The following CELF2 variants were observed in gnomAD, a reference collection of about 807,000 sequenced individuals.
CELF2 encodes CUG triplet repeat RNA-binding protein 2.
A neutral mutation model predicts 62.6 loss-of-function variants in CELF2; 8 were observed. That is an observed-to-expected ratio of 0.13 (90% CI 0.07 to 0.23). The LOEUF is 0.23. Ranked by LOEUF, CELF2 falls within the 10% of genes least tolerant of loss-of-function variation. The pLI is 1.00. For missense variants in CELF2, 333 were observed against 671.0 expected (o/e 0.50, Z 5.56); for synonymous variants, 258 against 250.0 (o/e 1.03, Z -0.30).
chr10:11,234,679 CAAA>C (rs11387214), intron 3 of CELF2, among the ~76,000 whole-genome samples: 1,796 of 83,206 alleles, frequency 0.022, 39 homozygotes, highest in African/African-American at 0.079. Flanking sequence ...GACTCCATCT[CAAA>C]AAAAAAAAAA....
the CELF2 span, among the ~76,000 whole-genome samples, chr10:10,476,234 TA>T: frequency 1.3e-5 from 2 of 152,188 alleles, no homozygotes; most frequent in Non-Finnish European, 2.9e-5. Flanking sequence ...CTTTCTGATT[TA>T]ACTTTAGTCA....
At position 11,315,999 on chromosome 10, in the gene CELF2, G is replaced by T. The variant is rs2094945318; in HGVS notation, c.1096+1741G>T. Among the ~76,000 whole-genome samples the T allele has an allele frequency of 6.6e-6, 1 of 152,242 alleles. No individual in the cohort carries two copies. Among genetic ancestry groups the T allele is most frequent in the African/African-American group, 2.4e-5 (1 of 41,466 alleles). On this transcript the variant is annotated intron_variant, in intron 10 of 12. Coordinates refer to ENST00000633077, the MANE Select transcript of CELF2 (RefSeq NM_001326342.2). The surrounding 1 kb of genome is among the most constrained non-coding windows in gnomAD (Gnocchi z 5.8). ...CTCAGCACGTGCTCATGACTGGTGT[G>T]TGTGTGTCCTCTCGTCTGCGTCCCG... is the stretch of plus-strand genomic sequence containing the variant.
At chr10:10,988,281 A>G (rs944522488) in intron 2 of CELF2, among the ~76,000 whole-genome samples, 66 of 141,168 alleles carry the variant, frequency 4.7e-4, no homozygotes, top group African/African-American at 1.7e-3. Flanking sequence ...GTGTGTGTAT[A>G]TATATATATA....
At chr10:10,920,076 TA>T in intron 2 of CELF2, 3 of 1,030,674 alleles carry the variant, frequency 2.9e-6, no homozygotes, top group Non-Finnish European at 2.5e-6. Flanking sequence ...ATGTCTTCTG[TA>T]AGAGGTCTTC....
chr10:10,927,473 A>T (rs962110778), intron 2 of CELF2, among the ~76,000 whole-genome samples: 1 of 151,802 alleles, frequency 6.6e-6, no homozygotes, highest in Admixed American at 6.6e-5. Flanking sequence ...TGTTGCCAAG[A>T]TGAAAGTTCA....
the CELF2 span, among the ~76,000 whole-genome samples, chr10:10,776,029 G>T: frequency 6.6e-6 from 1 of 152,216 alleles, no homozygotes; most frequent in Admixed American, 6.5e-5. Flanking sequence ...TACCAGATGT[G>T]CTCAACAGAG....
intron 1 of CELF2, among the ~76,000 whole-genome samples, chr10:10,820,111 A>G (rs1028075152): frequency 1.3e-5 from 2 of 150,736 alleles, no homozygotes; most frequent in Admixed American, 6.6e-5. Flanking sequence ...CTTCTTCCTC[A>G]TTTTTCTCTT....
At chr10:11,132,968 T>G (rs950604282) in intron 1 of CELF2, among the ~76,000 whole-genome samples, 8 of 152,164 alleles carry the variant, frequency 5.3e-5, no homozygotes. Flanking sequence ...GCTACACTAA[T>G]ATGAGCAGGG....
chr10:10,528,537 G>A, the CELF2 span, among the ~76,000 whole-genome samples: 1 of 152,184 alleles, frequency 6.6e-6, no homozygotes, highest in Admixed American at 6.5e-5. Context: ...AGACCACAGA[G>A]GTGAGCATGC....
In CELF2 at chr10:11,197,001, G is replaced by GAAA. The variant is rs1491213238; in HGVS notation, c.272-20424_272-20423insAAA. Among the ~76,000 whole-genome samples the GAAA allele has an allele frequency of 3.7e-3, 67 of 18,340 alleles. 8 individuals carry two copies. The highest frequency in any genetic ancestry group is 0.027 in the South Asian group (10 of 368). 12.0% of individuals were successfully genotyped at this position (18,340 alleles called of 152,430 possible). A position where few individuals can be genotyped will look rare whatever the true frequency, so the allele number is the denominator to read the frequency against. On this transcript the variant is annotated intron_variant, in intron 2 of 12. Coordinates refer to ENST00000633077, the MANE Select transcript of CELF2 (RefSeq NM_001326342.2). ...AGAGAGAAAGAAAGAAAGGAAGGAAGGAGAAAGAAAGAAAGAAAGAAAGAA... is the reference window on the plus strand; with the variant it reads ...AGAGAGAAAGAAAGAAAGGAAGGAAGAAAGAGAAAGAAAGAAAGAAAGAAAGAA...
the CELF2 span, among the ~76,000 whole-genome samples, chr10:10,728,818 C>T: frequency 3.3e-5 from 5 of 152,120 alleles, no homozygotes; most frequent in South Asian, 2.1e-4. Context: ...CTCTCTCTCT[C>T]GTTAAGCCAC....
At chr10:10,606,103 T>C in the CELF2 span, among the ~76,000 whole-genome samples, 1 of 152,200 alleles carries the variant, frequency 6.6e-6, no homozygotes, top group Admixed American at 6.5e-5. Context: ...TCTCCATTAA[T>C]CCAAGTAAAT....
At chr10:11,035,336 T>C (rs961457983) in intron 1 of CELF2, among the ~76,000 whole-genome samples, 1 of 152,242 alleles carries the variant, frequency 6.6e-6, no homozygotes, top group African/African-American at 2.4e-5. Flanking sequence ...GATGTCTCTC[T>C]ACACCCTTCC....
In CELF2 at chr10:11,255,938, A is replaced by G. The variant is rs2078608455; in HGVS notation, c.404-1800A>G. Among the ~76,000 whole-genome samples, 1 of 152,166 alleles carries G rather than the reference A, an allele frequency of 6.6e-6. No individual in the cohort carries two copies. The highest frequency in any genetic ancestry group is 1.5e-5 in the Non-Finnish European group (1 of 68,038). On this transcript the variant is annotated intron_variant, in intron 4 of 12. Transcript: ENST00000633077. The surrounding 1 kb of genome is among the most constrained non-coding windows in gnomAD (Gnocchi z 5.5). Reference sequence around the variant, plus strand: ...CTCCTCCTCTGAACTTGGAGGAGACACAGCAGGGGAAGGAATCCTTGGCTG... The same window carrying G: ...CTCCTCCTCTGAACTTGGAGGAGACGCAGCAGGGGAAGGAATCCTTGGCTG...
intron 1 of CELF2, among the ~76,000 whole-genome samples, chr10:10,834,032 A>G (rs973002036): frequency 3.3e-5 from 5 of 152,244 alleles, no homozygotes; most frequent in Admixed American, 2.0e-4. Flanking sequence ...TTGCAGCACC[A>G]TTCACAATAG....
At chr10:10,790,634 G>A in the CELF2 span, among the ~76,000 whole-genome samples, 17 of 152,144 alleles carry the variant, frequency 1.1e-4, no homozygotes, top group Non-Finnish European at 1.9e-4. Flanking sequence ...AAAGGACACA[G>A]ATTTGGTTTT....
chr10:10,514,277 G>A, the CELF2 span, among the ~76,000 whole-genome samples: 21 of 152,298 alleles, frequency 1.4e-4, no homozygotes, highest in East Asian at 1.5e-3. Flanking sequence ...AAAGTAGCTC[G>A]TTATACTAAC....
At chr10:10,667,300 C>A in the CELF2 span, among the ~76,000 whole-genome samples, 1 of 152,178 alleles carries the variant, frequency 6.6e-6, no homozygotes, top group African/African-American at 2.4e-5. Flanking sequence ...CTGCCCCTGT[C>A]AGTCGATGCT....
At position 11,255,831 on chromosome 10, in the gene CELF2, A is replaced by AC. The variant is rs1405335675; in HGVS notation, c.404-1906dup. On this transcript the variant is annotated intron_variant, in intron 4 of 12. Transcript: ENST00000633077. The surrounding 1 kb of genome is among the most constrained non-coding windows in gnomAD (Gnocchi z 5.5). ...TCAGAGGTCAGCCTATTCTCCAAAGACACATATCAAACTCATGGCAGCACC... is the reference window on the plus strand; with the variant it reads ...TCAGAGGTCAGCCTATTCTCCAAAGACCACATATCAAACTCATGGCAGCACC... 6.6e-6 allele frequency among the ~76,000 whole-genome samples: 1 copy of AC among 152,086 alleles called. No homozygotes were observed. Among genetic ancestry groups the AC allele is most frequent in the Admixed American group, 6.5e-5 (1 of 15,286 alleles).
Sources: gnomAD v4.1 joint callset for allele counts (sites outside exome capture counted in the v4.1 genomes callset) on GRCh38, gnomAD v4.1.1 for gene constraint, Gnocchi (gnomAD v3.1) non-coding constraint, MANE v1.5 for transcripts, NCBI Gene and HGNC (gene_info 2026-07-23, HGNC 2026-07-21) for gene names.